The following ANKRD44 variants were observed in gnomAD, a reference collection of about 807,000 sequenced individuals.
ANKRD44 encodes serine/threonine-protein phosphatase 6 regulatory ankyrin repeat subunit B.
Under a neutral mutation model 116.0 loss-of-function variants are expected in ANKRD44, and 35 were observed. That is an observed-to-expected ratio of 0.30 (90% CI 0.23 to 0.40). ANKRD44 has a LOEUF of 0.40. Ranked by LOEUF, ANKRD44 falls within the 10% of genes least tolerant of loss-of-function variation. The pLI, the probability that ANKRD44 is intolerant of heterozygous loss-of-function variation, is 1.00. For synonymous variants in ANKRD44, 435 were observed against 461.8 expected, an observed-to-expected ratio of 0.94 and a Z score of 0.74; for missense variants, 1,014 against 1,242.6, an observed-to-expected ratio of 0.82 and a Z score of 2.77.
chr2:196,967,912 A>ACTCT (rs35734167), intron 21 of ANKRD44, among the ~76,000 whole-genome samples: 89,515 of 140,806 alleles, frequency 0.64, 31,098 homozygotes, highest in East Asian at 0.86. Context: ...ATGGCTTGGC[A>ACTCT]CTCTCTCTCT....
intron 16 of ANKRD44, among the ~76,000 whole-genome samples, chr2:197,068,534 G>T (rs1421333450): frequency 6.6e-6 from 1 of 151,788 alleles, no homozygotes; most frequent in Non-Finnish European, 1.5e-5. Flanking sequence ...GCAACCTACA[G>T]AATGGGAGAA....
At chr2:197,235,135 G>A (rs1039001407) in intron 1 of ANKRD44, among the ~76,000 whole-genome samples, 4 of 152,170 alleles carry the variant, frequency 2.6e-5, no homozygotes, top group African/African-American at 4.8e-5. Flanking sequence ...AAGAAGACAA[G>A]CATGTGAAAA....
chr2:197,000,962 C>T (rs1031457260), intron 22 of ANKRD44, among the ~76,000 whole-genome samples: 5 of 152,188 alleles, frequency 3.3e-5, no homozygotes, highest in African/African-American at 7.2e-5. Context: ...TGCTTGAACC[C>T]GGGAGCCAGA....
chr2:197,229,638 T>C (rs1483369641), intron 1 of ANKRD44, among the ~76,000 whole-genome samples: 1 of 151,826 alleles, frequency 6.6e-6, no homozygotes, highest in Non-Finnish European at 1.5e-5. Flanking sequence ...TGCCAGGCAC[T>C]TCCCTAAAGT....
At chr2:197,135,100 A>G (rs1211330138) in intron 4 of ANKRD44, 2 of 152,190 alleles carry the variant, frequency 1.3e-5, no homozygotes, top group Admixed American at 6.5e-5. Context: ...TACTAAAATC[A>G]CAAAGCGCAG....
Position 197,158,674 on chromosome 2 carries a change from C to A in ANKRD44, c.112-11569G>T, listed in dbSNP as rs890702761. On this transcript the variant is annotated intron_variant, in intron 2 of 27. Transcript: ENST00000282272. ...ATCACAGGAGAGGAAGCTAGAATTA[C>A]AAAATATTTAAACTTAACCTGGAAG... Among the ~76,000 whole-genome samples the A allele has an allele frequency of 3.3e-5, 5 of 152,104 alleles. No individual in the cohort carries two copies. The East Asian group carries it at 9.6e-4, about 29-fold the overall frequency.
chr2:197,022,671 G>A (rs1398240247), intron 17 of ANKRD44, among the ~76,000 whole-genome samples: 5 of 152,102 alleles, frequency 3.3e-5, no homozygotes, highest in Non-Finnish European at 7.4e-5. Context: ...AGCTCTTAAG[G>A]TCTCTGTACA....
chr2:197,076,967 C>T (rs1419172130), intron 16 of ANKRD44, among the ~76,000 whole-genome samples: 3 of 152,154 alleles, frequency 2.0e-5, no homozygotes, highest in Non-Finnish European at 4.4e-5. Context: ...AATGAACATA[C>T]ATATGCATGT....
chr2:197,085,260 A>G (rs1414137162), intron 13 of ANKRD44, among the ~76,000 whole-genome samples: 1 of 152,218 alleles, frequency 6.6e-6, no homozygotes. Context: ...AATTAGACTG[A>G]AAATTACTAG....
intron 16 of ANKRD44, among the ~76,000 whole-genome samples, chr2:197,053,411 A>G (rs1353473232): frequency 6.6e-6 from 1 of 152,216 alleles, no homozygotes; most frequent in Non-Finnish European, 1.5e-5. Context: ...AAACAACCTG[A>G]AATAGGGCAG....
intron 1 of ANKRD44, among the ~76,000 whole-genome samples, chr2:197,216,608 A>G (rs2081448515): frequency 6.6e-6 from 1 of 152,136 alleles, no homozygotes; most frequent in Non-Finnish European, 1.5e-5. Flanking sequence ...GTGGGAGGAG[A>G]GCAAGGGTGG....
chr2:197,117,850 G>T (rs1034015975), intron 8 of ANKRD44, among the ~76,000 whole-genome samples: 1 of 152,040 alleles, frequency 6.6e-6, no homozygotes, highest in African/African-American at 2.4e-5. Flanking sequence ...CTCTTCTCTA[G>T]GTCCACTATA....
intron 17 of ANKRD44, 38 bp downstream of exon 17, chr2:197,025,158 T>C: frequency 6.3e-7 from 1 of 1,586,988 alleles, no homozygotes; most frequent in Non-Finnish European, 8.6e-7. Flanking sequence ...TTAGGTTGTT[T>C]TTGTAACAGG....
chr2:197,235,094 C>T (rs1183096590), intron 1 of ANKRD44, among the ~76,000 whole-genome samples: 1 of 152,192 alleles, frequency 6.6e-6, no homozygotes, highest in Non-Finnish European at 1.5e-5. Flanking sequence ...ACTTCTCACT[C>T]CCCTCTCTCA....
At chr2:197,237,544 G>A (rs993473326) in intron 1 of ANKRD44, among the ~76,000 whole-genome samples, 1 of 152,110 alleles carries the variant, frequency 6.6e-6, no homozygotes. Flanking sequence ...TAGAAGATTC[G>A]GAGTGTGTGA....
intron 21 of ANKRD44, among the ~76,000 whole-genome samples, chr2:196,979,244 A>T (rs967375166): frequency 1.1e-4 from 16 of 152,038 alleles, no homozygotes; most frequent in East Asian, 9.8e-4. Context: ...AAAATATTTT[A>T]AAAAATTAGC....
rs1313645136 is a variant in ANKRD44, at chr2:197,038,140, T to C, written c.1651-12873A>G. On this transcript the variant is annotated intron_variant, in intron 16 of 27. Coordinates refer to ENST00000282272, the MANE Select transcript of ANKRD44 (RefSeq NM_001195144.2). The stretch of plus-strand genomic sequence containing the variant: ...ATAACACCAAGAGTGGACCTTGAGG[T>C]AAACTCTGGGACTTTGGGTGATTTT... 2.6e-5 allele frequency among the ~76,000 whole-genome samples: 4 copies of C among 152,228 alleles called. No individual in the cohort carries two copies. The South Asian group carries it at 8.3e-4, about 32-fold the overall frequency.
chr2:197,238,436 T>C (rs1289783575), intron 1 of ANKRD44, among the ~76,000 whole-genome samples: 3 of 152,188 alleles, frequency 2.0e-5, no homozygotes, highest in African/African-American at 7.2e-5. Flanking sequence ...TCAGCACTAG[T>C]AAATTGATTG....
rs2078849119 is a variant in ANKRD44, at chr2:197,121,365, C to T, written c.873G>A (p.Leu291=). The change falls in exon 8 of 28, where the codon TTG becomes TTA. Residue 291 remains leucine, a synonymous_variant. Transcript: ENST00000282272. ...TAACATCTGCCCCGTTGTTTACTAA[C>T]AATTCAAGACACAAAGCACCATGAG... ...ASTHGALCLE[L]LVNNGADVNI... 6.2e-7 allele frequency: 1 copy of T among 1,614,056 alleles called. No individual in the cohort carries two copies. Among genetic ancestry groups the T allele is most frequent in the Non-Finnish European group, 8.5e-7 (1 of 1,180,046 alleles).
Sources: gnomAD v4.1 joint callset for allele counts (sites outside exome capture counted in the v4.1 genomes callset) on GRCh38, gnomAD v4.1.1 for gene constraint, MANE v1.5 for transcripts, NCBI Gene and HGNC (gene_info 2026-07-23, HGNC 2026-07-21) for gene names.